The following ZNF407 variants were observed in gnomAD, a reference collection of about 807,000 sequenced individuals.
ZNF407 encodes the protein zinc finger protein 407.
A neutral mutation model predicts 131.2 loss-of-function variants in ZNF407; 17 were observed. The ratio of observed to expected loss-of-function variants is 0.13; its 90% confidence interval spans 0.09 to 0.19. ZNF407 has a LOEUF of 0.19. Among genes scored for constraint, ZNF407 ranks in the 10% least tolerant of loss-of-function variants. The pLI, the probability that ZNF407 is intolerant of heterozygous loss-of-function variation, is 1.00. For synonymous variants in ZNF407, 1,156 were observed against 1,062.0 expected, an observed-to-expected ratio of 1.09 and a Z score of -1.72; for missense variants, 2,681 against 2,830.6, an observed-to-expected ratio of 0.95 and a Z score of 1.20.
At chr18:74,989,513 G>A (rs373250569) in intron 8 of ZNF407, among the ~76,000 whole-genome samples, 2 of 152,194 alleles carry the variant, frequency 1.3e-5, no homozygotes, top group African/African-American at 4.8e-5. Context: ...ACTTCCTTTC[G>A]AAGATTCTAT....
At chr18:74,954,808 C>T (rs1972257146) in intron 8 of ZNF407, among the ~76,000 whole-genome samples, 1 of 152,158 alleles carries the variant, frequency 6.6e-6, no homozygotes, top group South Asian at 2.1e-4. Context: ...TCATCAACAC[C>T]ATCATTGCCA....
intron 8 of ZNF407, among the ~76,000 whole-genome samples, chr18:75,020,302 G>T (rs1389296151): frequency 8.4e-6 from 1 of 119,412 alleles, no homozygotes; most frequent in Non-Finnish European, 1.7e-5. Context: ...ATGTGTATAT[G>T]TGTGTGTATG....
chr18:75,047,802 GA>G (rs1351430841), intron 8 of ZNF407, among the ~76,000 whole-genome samples: 2 of 152,236 alleles, frequency 1.3e-5, no homozygotes, highest in Non-Finnish European at 2.9e-5. Context: ...ATTCTGCTTT[GA>G]GTTTCTTTCA....
intron 3 of ZNF407, among the ~76,000 whole-genome samples, chr18:74,694,404 G>T (rs2144806734): frequency 6.6e-6 from 1 of 152,114 alleles, no homozygotes; most frequent in African/African-American, 2.4e-5. Flanking sequence ...TCAATTCCAA[G>T]AGATATAGCT....
intron 8 of ZNF407, among the ~76,000 whole-genome samples, chr18:74,981,960 T>C (rs1158469532): frequency 6.6e-6 from 1 of 152,220 alleles, no homozygotes; most frequent in Non-Finnish European, 1.5e-5. Flanking sequence ...TATTCCACTT[T>C]TTCTGTTGGC....
intron 4 of ZNF407, among the ~76,000 whole-genome samples, chr18:74,785,916 C>T (rs1057139772): frequency 2.6e-5 from 4 of 151,958 alleles, no homozygotes; most frequent in African/African-American, 9.7e-5. Context: ...ACACATGTCA[C>T]ATGGCACACA....
At chr18:74,971,153 C>T (rs921242334) in intron 8 of ZNF407, among the ~76,000 whole-genome samples, 1 of 152,208 alleles carries the variant, frequency 6.6e-6, no homozygotes, top group East Asian at 1.9e-4. Flanking sequence ...GACCCTGGCC[C>T]CAGCCCACAG....
chr18:74,859,108 T>C (rs1157334962), intron 4 of ZNF407, among the ~76,000 whole-genome samples: 1 of 152,192 alleles, frequency 6.6e-6, no homozygotes, highest in Non-Finnish European at 1.5e-5. Context: ...AAAGCAATAA[T>C]GCTGATATTT....
At chr18:74,767,509 ATT>A (rs535684125) in intron 3 of ZNF407, among the ~76,000 whole-genome samples, 118 of 152,240 alleles carry the variant, frequency 7.8e-4, no homozygotes, top group African/African-American at 2.5e-3. Context: ...GTATAATTGT[ATT>A]TCATGGAAAA....
chr18:75,044,906 A>G (rs1187678964), intron 8 of ZNF407, among the ~76,000 whole-genome samples: 1 of 152,112 alleles, frequency 6.6e-6, no homozygotes, highest in Non-Finnish European at 1.5e-5. Context: ...ACTTCACCAT[A>G]CTCCACACTC....
In ZNF407 at chr18:74,817,376, A is replaced by C. The variant is rs553293163; in HGVS notation, c.4877+35874A>C. ...TATCATAGTTCCTCTTGCTGAGATA[A>C]AGTTTATGTTGTTCATTTTATAAAC... On this transcript the variant is annotated intron_variant, in intron 4 of 8. Transcript: ENST00000299687. 3.3e-5 allele frequency among the ~76,000 whole-genome samples: 5 copies of C among 152,258 alleles called. No homozygotes were observed. The South Asian group carries it at 1.0e-3, about 32-fold the overall frequency.
At chr18:74,755,824 C>G (rs1237436145) in intron 3 of ZNF407, among the ~76,000 whole-genome samples, 4 of 128,378 alleles carry the variant, frequency 3.1e-5, no homozygotes, top group East Asian at 2.3e-4. Flanking sequence ...TCATTCCTCC[C>G]TCCCTCCCTT....
At chr18:74,959,801 G>A (rs1221184200) in intron 8 of ZNF407, among the ~76,000 whole-genome samples, 2 of 152,192 alleles carry the variant, frequency 1.3e-5, no homozygotes, top group Admixed American at 6.5e-5. Context: ...TAGGATTTGA[G>A]CCTTCTCCAA....
At chr18:74,822,233 G>A (rs1970351052) in intron 4 of ZNF407, among the ~76,000 whole-genome samples, 2 of 152,120 alleles carry the variant, frequency 1.3e-5, no homozygotes, top group Non-Finnish European at 2.9e-5. Context: ...CACAATGATG[G>A]TAATTTCTTT....
intron 3 of ZNF407, among the ~76,000 whole-genome samples, chr18:74,658,868 T>C (rs918541387): frequency 2.6e-5 from 4 of 152,200 alleles, no homozygotes; most frequent in Admixed American, 2.0e-4. Flanking sequence ...AAATATATAT[T>C]TTAGCTTTCT....
intron 3 of ZNF407, among the ~76,000 whole-genome samples, chr18:74,728,296 A>C (rs929140304): frequency 2.6e-5 from 4 of 152,182 alleles, no homozygotes; most frequent in African/African-American, 9.7e-5. Flanking sequence ...TAATTCAGAG[A>C]CTGTTTCAGA....
At chr18:74,949,355 G>C (rs35902085) in intron 8 of ZNF407, among the ~76,000 whole-genome samples, 13,540 of 152,176 alleles carry the variant, frequency 0.089, 861 homozygotes, top group African/African-American at 0.18. Context: ...CCTTGAATAC[G>C]AAATGAAAGA....
chr18:74,894,282 A>G (rs78987691), intron 7 of ZNF407, among the ~76,000 whole-genome samples: 3 of 152,110 alleles, frequency 2.0e-5, no homozygotes, highest in Non-Finnish European at 2.9e-5. Flanking sequence ...TATAAATTCA[A>G]AGCACAAATT....
intron 4 of ZNF407, among the ~76,000 whole-genome samples, chr18:74,816,913 TAAA>T (rs1239517656): frequency 1.3e-5 from 2 of 152,198 alleles, no homozygotes; most frequent in Non-Finnish European, 2.9e-5. Context: ...TTTTGTCTGT[TAAA>T]ATTGCTAAGG....
Sources: gnomAD v4.1 joint callset for allele counts (sites outside exome capture counted in the v4.1 genomes callset) on GRCh38, gnomAD v4.1.1 for gene constraint, MANE v1.5 for transcripts, NCBI Gene and HGNC (gene_info 2026-07-23, HGNC 2026-07-21) for gene names.